The following KRAS variants were observed in gnomAD, a reference collection of about 807,000 sequenced individuals.
The protein encoded by KRAS is GTPase KRas.
A neutral mutation model predicts 21.0 loss-of-function variants in KRAS; 1 was observed. The observed-to-expected ratio is 0.05, with a 90% CI of 0.02 to 0.23. The LOEUF (loss-of-function observed/expected upper bound fraction) is 0.23, where lower values mean the gene tolerates loss of function less well. Among genes scored for constraint, KRAS ranks in the 10% least tolerant of loss-of-function variants. The probability of loss-of-function intolerance (pLI) is 1.00; values close to 1 mark genes in which losing one functional copy is unlikely to be tolerated. For synonymous variants in KRAS, 67 were observed against 72.5 expected (o/e 0.92, Z 0.39); for missense variants, 107 against 221.8 (o/e 0.48, Z 3.29).
Position 25,209,699 on chromosome 12 carries a change from A to C in KRAS, c.*96T>G, listed in dbSNP as rs1951182454. Reference sequence around the variant, plus strand: ...ACAGTCTGCATGGAGCAGGAAAAAAATTAGGTAATGCTAAAACAAATGCTA... The same window carrying C: ...ACAGTCTGCATGGAGCAGGAAAAAACTTAGGTAATGCTAAAACAAATGCTA... On this transcript the variant is annotated 3_prime_UTR_variant, in exon 5 of 5. Transcript: ENST00000311936. 1.3e-6 allele frequency: 2 copies of C among 1,518,394 alleles called. No individual in the cohort carries two copies. Among genetic ancestry groups the C allele is most frequent in the Non-Finnish European group, 1.8e-6 (2 of 1,133,158 alleles). The allele number at this position is 1,518,394 out of a possible 1,614,324, so 94.1% of individuals were successfully genotyped here. A position where few individuals can be genotyped will look rare whatever the true frequency, so the allele number is the denominator to read the frequency against.
intron 2 of KRAS, chr12:25,234,844 A>G (rs931524729): frequency 4.2e-5 from 9 of 213,146 alleles, no homozygotes; most frequent in African/African-American, 2.0e-4. Flanking sequence ...TGACTCTGAC[A>G]CAGAGACATA....
In KRAS at chr12:25,234,773, T is replaced by C. The variant is rs75856053; in HGVS notation, c.112-7361A>G. On this transcript the variant is annotated intron_variant, in intron 2 of 4. Transcript: ENST00000311936. ...TCATTTTTCCATTATAATTAATAAC[T>C]AAATTATTCAGTGTGTTCACCTTTT... 1,318 of 196,628 alleles carry C rather than the reference T, an allele frequency of 6.7e-3. 5 individuals are homozygous for C. Among genetic ancestry groups the C allele is most frequent in the Non-Finnish European group, 0.011 (1,049 of 94,896 alleles). The allele number at this position is 196,628 out of a possible 1,614,324, so 12.2% of individuals were successfully genotyped here.
intron 4 of KRAS, among the ~76,000 whole-genome samples, chr12:25,222,161 CAAGA>C (rs1316458849): frequency 3.7e-5 from 5 of 133,722 alleles, no homozygotes; most frequent in Admixed American, 8.0e-5. Context: ...AAAAAAAAAA[CAAGA>C]AAGAAAGAAA....
intron 1 of KRAS, among the ~76,000 whole-genome samples, chr12:25,247,864 T>G (rs1004531509): frequency 6.6e-6 from 1 of 152,246 alleles, no homozygotes; most frequent in Non-Finnish European, 1.5e-5. Flanking sequence ...TTCTAAGTTT[T>G]GGTTTTGTTT....
intron 1 of KRAS, among the ~76,000 whole-genome samples, chr12:25,246,147 C>CAAAAAAAA (rs35617676): frequency 1.2e-5 from 1 of 84,470 alleles, no homozygotes; most frequent in Non-Finnish European, 2.3e-5. Flanking sequence ...GACTCCGTCT[C>CAAAAAAAA]AAAAAAAAAA....
At chr12:25,239,446 T>C (rs1216566105) in intron 2 of KRAS, among the ~76,000 whole-genome samples, 1 of 152,220 alleles carries the variant, frequency 6.6e-6, no homozygotes, top group Non-Finnish European at 1.5e-5. Context: ...GAAAAATATT[T>C]ATCCAAATTC....
At chr12:25,239,504 G>A (rs1951584538) in intron 2 of KRAS, among the ~76,000 whole-genome samples, 1 of 152,016 alleles carries the variant, frequency 6.6e-6, no homozygotes, top group Non-Finnish European at 1.5e-5. Flanking sequence ...ATGTTACTTA[G>A]ATAACACTGC....
At chr12:25,249,546 C>G (rs555011521) in intron 1 of KRAS, among the ~76,000 whole-genome samples, 19 of 138,524 alleles carry the variant, frequency 1.4e-4, no homozygotes, top group African/African-American at 4.6e-4. Context: ...GAGCCGATAC[C>G]GCGCCATTGC....
intron 4 of KRAS, among the ~76,000 whole-genome samples, chr12:25,224,689 T>A (rs1045206587): frequency 6.6e-6 from 1 of 152,162 alleles, no homozygotes; most frequent in Non-Finnish European, 1.5e-5. Context: ...GTGTTAACAA[T>A]TGCCTTATAG....
At chr12:25,244,130 CAA>C (rs1229186099) in intron 2 of KRAS, among the ~76,000 whole-genome samples, 2 of 152,302 alleles carry the variant, frequency 1.3e-5, no homozygotes, top group East Asian at 1.9e-4. Flanking sequence ...TGCCTCAGCG[CAA>C]AGTGTCTCTT....
rs1202306003 is a variant in KRAS at position 25,250,330 on chromosome 12, G to T, written c.-12+421C>A. Among the ~76,000 whole-genome samples, 4 of 152,114 alleles carry T rather than the reference G, an allele frequency of 2.6e-5. No individual in the cohort carries two copies. In the East Asian group the frequency reaches 7.8e-4, roughly 30 times the overall value. On this transcript the variant is annotated intron_variant, in intron 1 of 4. Coordinates refer to ENST00000311936, the MANE Select transcript of KRAS (RefSeq NM_004985.5). The stretch of plus-strand genomic sequence containing the variant: ...CGAGTGCTGGAAAGGGAGGCAAGAG[G>T]TGCGGGAGCGGGGAGAGGGGGAGGG...
chr12:25,207,020 A>G lies in KRAS; in HGVS notation c.*2775T>C, dbSNP rs1307030014. On this transcript the variant is annotated 3_prime_UTR_variant, in exon 5 of 5. Transcript: ENST00000311936. Reference sequence around the variant, plus strand: ...GATCGAAGAGTTTCAGTGGAATCGTAGCAAAACAATTATAGAGCTGGCACA... The same window carrying G: ...GATCGAAGAGTTTCAGTGGAATCGTGGCAAAACAATTATAGAGCTGGCACA... The G allele has an allele frequency of 4.8e-6, 1 of 208,906 alleles. No individual in the cohort carries two copies. Among genetic ancestry groups the G allele is most frequent in the Non-Finnish European group, 9.7e-6 (1 of 102,618 alleles). 12.9% of individuals were successfully genotyped at this position (208,906 alleles called of 1,614,324 possible).
chr12:25,239,042 C>T (rs1592818291), intron 2 of KRAS, among the ~76,000 whole-genome samples: 1 of 152,190 alleles, frequency 6.6e-6, no homozygotes. Flanking sequence ...TTCTCCATAC[C>T]CTTCCTAGCA....
chr12:25,205,367 C>CAATT lies in KRAS; in HGVS notation c.*4424_*4427dup, dbSNP rs1404381551. On this transcript the variant is annotated 3_prime_UTR_variant, in exon 5 of 5. Coordinates refer to ENST00000311936, the MANE Select transcript of KRAS (RefSeq NM_004985.5). ...CCTATAAACATTTAAAAGTTAATTT[C>CAATT]AATTAAAAGAGTGGTCATTTTTAAT... The CAATT allele has an allele frequency of 9.3e-6, 2 of 214,462 alleles. No individual in the cohort carries two copies. Among genetic ancestry groups the CAATT allele is most frequent in the African/African-American group, 4.5e-5 (2 of 44,408 alleles). The allele number at this position is 214,462 out of a possible 1,614,324, so 13.3% of individuals were successfully genotyped here.
chr12:25,215,566 T>TG, intron 4 of KRAS: 4 of 1,607,226 alleles, frequency 2.5e-6, no homozygotes, highest in Non-Finnish European at 3.4e-6. Flanking sequence ...ACTCTCTGCA[T>TG]TGTAAAACAC....
chr12:25,240,301 T>C (rs1951594767), intron 2 of KRAS, among the ~76,000 whole-genome samples: 1 of 152,216 alleles, frequency 6.6e-6, no homozygotes. Flanking sequence ...ATAATTAGCA[T>C]GATTGCCTAG....
At chr12:25,231,780 C>T (rs1329118492) in intron 2 of KRAS, among the ~76,000 whole-genome samples, 2 of 152,158 alleles carry the variant, frequency 1.3e-5, no homozygotes, top group African/African-American at 4.8e-5. Flanking sequence ...CTAGGGTCCT[C>T]ACTCTTAGAA....
chr12:25,215,990 G>C (rs1951250584), intron 4 of KRAS, among the ~76,000 whole-genome samples: 1 of 152,098 alleles, frequency 6.6e-6, no homozygotes, highest in African/African-American at 2.4e-5. Context: ...GGGAGAATGA[G>C]AAGAAAAATG....
rs554910623 is a variant in KRAS, at chr12:25,220,024, C to T, written c.450+5590G>A. Among the ~76,000 whole-genome samples the T allele has an allele frequency of 2.2e-4, 34 of 152,294 alleles. No individual in the cohort carries two copies. The South Asian group carries it at 6.6e-3, about 30-fold the overall frequency. On this transcript the variant is annotated intron_variant, in intron 4 of 4. Coordinates refer to ENST00000311936, the MANE Select transcript of KRAS (RefSeq NM_004985.5). ...CACATTATATTTAAATTGAGACCCC[C>T]AGAGAGCAGAAAAGCCGAATGAGGA...
Sources: allele counts gnomAD v4.1 joint callset (sites outside exome capture counted in the v4.1 genomes callset), GRCh38; gene constraint gnomAD v4.1.1; transcripts MANE v1.5; gene names NCBI Gene and HGNC (gene_info 2026-07-23, HGNC 2026-07-21).